The following APC variants were observed in gnomAD, a reference collection of about 807,000 sequenced individuals.
APC encodes APC regulator of Wnt signaling pathway, also known as adenomatous polyposis coli protein.
In APC, 72 loss-of-function variants were observed where a neutral mutation model predicts 247.0. That is an observed-to-expected ratio of 0.29 (90% CI 0.24 to 0.35). The LOEUF is 0.35. Among genes scored for constraint, APC ranks in the 10% least tolerant of loss-of-function variants. The pLI is 1.00. For missense variants in APC, 3,400 were observed against 3,360.7 expected, an observed-to-expected ratio of 1.01 and a Z score of -0.29; for synonymous variants, 1,254 against 1,162.5, an observed-to-expected ratio of 1.08 and a Z score of -1.60.
At chr5:112,809,084 G>C (rs1036642472) in intron 8 of APC, among the ~76,000 whole-genome samples, 2 of 152,246 alleles carry the variant, frequency 1.3e-5, no homozygotes, top group Admixed American at 1.3e-4. Context: ...GGGTGCAGTA[G>C]CTCATGCCTG....
intron 2 of APC, among the ~76,000 whole-genome samples, chr5:112,757,039 A>G (rs1490640472): frequency 1.3e-5 from 2 of 152,186 alleles, no homozygotes; most frequent in African/African-American, 4.8e-5. Flanking sequence ...CGGATTTAGA[A>G]TGCTCAACCT....
Position 112,839,414 on chromosome 5 carries a change from T to C in APC, c.3820T>C (p.Cys1274Arg), listed in dbSNP as rs1337240673. 6.2e-7 allele frequency: 1 copy of C among 1,614,044 alleles called. No individual in the cohort carries two copies. ...VEDTPICFSR[C>R]SSLSSLSSAE... is the part of the protein sequence containing the mutation. Reference sequence around the variant, plus strand: ...AGATACTCCAATATGTTTTTCAAGATGTAGTTCATTATCATCTTTGTCATC... The same window carrying C: ...AGATACTCCAATATGTTTTTCAAGACGTAGTTCATTATCATCTTTGTCATC... The change falls in exon 16 of 16, where the codon TGT becomes CGT. Residue 1274 changes from cysteine to arginine, a missense_variant. Cys to Arg is a radical substitution (Grantham distance 180). Coordinates refer to ENST00000257430, the MANE Select transcript of APC (RefSeq NM_000038.6). The surrounding 1 kb of genome is among the most constrained non-coding windows in gnomAD (Gnocchi z 5.0).
chr5:112,761,453 A>G (rs1322463809), intron 2 of APC, among the ~76,000 whole-genome samples: 1 of 152,222 alleles, frequency 6.6e-6, no homozygotes, highest in African/African-American at 2.4e-5. Flanking sequence ...AAGGAATCAA[A>G]TAGATATTCT....
At chr5:112,794,768 T>C (rs1040260388) in intron 7 of APC, among the ~76,000 whole-genome samples, 5 of 152,248 alleles carry the variant, frequency 3.3e-5, no homozygotes, top group Non-Finnish European at 5.9e-5. Flanking sequence ...CTCACATTTC[T>C]GCCCAGTGTG....
chr5:112,807,430 A>T (rs571784111), intron 8 of APC, among the ~76,000 whole-genome samples: 1 of 152,104 alleles, frequency 6.6e-6, no homozygotes. Flanking sequence ...ATATTTTTAT[A>T]CTATACAACT....
chr5:112,715,212 A>G (rs1420245923), intron 1 of APC, among the ~76,000 whole-genome samples: 1 of 152,214 alleles, frequency 6.6e-6, no homozygotes, highest in East Asian at 1.9e-4. Flanking sequence ...TTGAACAAAT[A>G]TTTTTGAAGC....
intron 4 of APC, among the ~76,000 whole-genome samples, chr5:112,773,031 C>G (rs1364433429): frequency 6.6e-6 from 1 of 152,132 alleles, no homozygotes; most frequent in East Asian, 1.9e-4. Flanking sequence ...TCTCCTGTTC[C>G]TGTTGTCAGA....
At chr5:112,734,793 G>GT (rs71224873), upstream of APC, among the ~76,000 whole-genome samples, 614 of 41,874 alleles carry the variant, frequency 0.015, 2 homozygotes, top group South Asian at 0.078. Context: ...GTGTGTGTGT[G>GT]TTTTTTTTTT....
Position 112,842,993 on chromosome 5 carries a change from CCAT to C in APC, c.7404_7406del (p.Ser2469del), listed in dbSNP as rs1580682156. 6.2e-7 allele frequency: 1 copy of C among 1,614,024 alleles called. No individual in the cohort carries two copies. The highest frequency in any genetic ancestry group is 8.5e-7 in the Non-Finnish European group (1 of 1,179,928). The stretch of plus-strand genomic sequence containing the variant: ...ATCTGCTTCATTTGAATCTCTTTCT[CCAT>C]CATCTAGACCAGCTTCTCCCACTAG... On this transcript the variant is annotated inframe_deletion, in exon 16 of 16. Coordinates refer to ENST00000257430, the MANE Select transcript of APC (RefSeq NM_000038.6).
At position 112,779,193 on chromosome 5, in the gene APC, T is replaced by A. The variant is rs1758053845; in HGVS notation, c.532-1597T>A. 2.0e-5 allele frequency among the ~76,000 whole-genome samples: 3 copies of A among 152,320 alleles called. No individual in the cohort carries two copies. In the South Asian group the frequency reaches 6.2e-4, roughly 32 times the overall value. On this transcript the variant is annotated intron_variant, in intron 5 of 15. Transcript: ENST00000257430. ...TGAGAGAACAGTTATTGTTAGCCTG[T>A]GAGGATTAGGAATTTTGGGGGATTT...
At chr5:112,726,238 T>A (rs865838712) in intron 1 of APC, among the ~76,000 whole-genome samples, 33 of 152,298 alleles carry the variant, frequency 2.2e-4, no homozygotes, top group African/African-American at 7.7e-4. Context: ...GGTACCCAGG[T>A]CCTTGTCTGG....
intron 14 of APC, among the ~76,000 whole-genome samples, chr5:112,830,868 T>G (rs1238159456): frequency 2.0e-5 from 3 of 152,190 alleles, no homozygotes; most frequent in Non-Finnish European, 4.4e-5. Flanking sequence ...ACTGGCAGTT[T>G]TATGGGTGTA....
chr5:112,731,441 G>C lies in APC; in HGVS notation c.165+23559G>C, dbSNP rs1246411094. Among the ~76,000 whole-genome samples, 4 of 152,176 alleles carry C rather than the reference G, an allele frequency of 2.6e-5. No individual in the cohort carries two copies. In the East Asian group the frequency reaches 7.7e-4, roughly 29 times the overall value. On this transcript the variant is annotated intron_variant, in intron 1 of 13. Transcript: ENST00000507379. Reference sequence around the variant, plus strand: ...CCCAAGGTGGAAGGAGGAAGGACAGGAGACGGCCAGAGCAAGCAAGGGATC... The same window carrying C: ...CCCAAGGTGGAAGGAGGAAGGACAGCAGACGGCCAGAGCAAGCAAGGGATC...
At chr5:112,776,638 G>T (rs1015240507) in intron 5 of APC, among the ~76,000 whole-genome samples, 1 of 152,120 alleles carries the variant, frequency 6.6e-6, no homozygotes, top group Admixed American at 6.5e-5. Flanking sequence ...AGGAGTTCGA[G>T]ACCAGCCTGG....
At chr5:112,741,906 TA>T (rs1753080065) in intron 1 of APC, among the ~76,000 whole-genome samples, 1 of 152,184 alleles carries the variant, frequency 6.6e-6, no homozygotes, top group African/African-American at 2.4e-5. Context: ...TTATTTCACT[TA>T]GCATAATGTC....
chr5:112,845,175 A>G lies in APC; in HGVS notation c.*1049A>G. On this transcript the variant is annotated 3_prime_UTR_variant, in exon 16 of 16. Coordinates refer to ENST00000257430, the MANE Select transcript of APC (RefSeq NM_000038.6). Reference sequence around the variant, plus strand: ...TTAACCATTCCATGCGTTGGCACTTATCTATTCCTGAAATTTCTTTTATGT... The same window carrying G: ...TTAACCATTCCATGCGTTGGCACTTGTCTATTCCTGAAATTTCTTTTATGT... 2 of 232,666 alleles carry G rather than the reference A, an allele frequency of 8.6e-6. No individual in the cohort carries two copies. The highest frequency in any genetic ancestry group is 1.7e-5 in the Non-Finnish European group (2 of 117,438). The allele number at this position is 232,666 out of a possible 1,614,324, so 14.4% of individuals were successfully genotyped here.
upstream of APC, among the ~76,000 whole-genome samples, chr5:112,735,687 A>G (rs1752346293): frequency 6.6e-6 from 1 of 152,086 alleles, no homozygotes; most frequent in African/African-American, 2.4e-5. Context: ...GTTTTAAAAT[A>G]GCTAAGCAGT....
intron 1 of APC, among the ~76,000 whole-genome samples, chr5:112,728,455 G>T (rs1751922640): frequency 6.6e-6 from 1 of 152,144 alleles, no homozygotes; most frequent in Non-Finnish European, 1.5e-5. Flanking sequence ...TGTGGCTCAA[G>T]ACAATTCTTC....
rs1248809012 is a variant in APC, at chr5:112,707,838, C to G, written c.121C>G (p.Pro41Ala). The change falls in exon 1 of 14, where the codon CCG becomes GCG. Residue 41 changes from proline (P) to alanine (A), a missense_variant. By Grantham distance (27) the Pro-to-Ala change is conservative. Coordinates refer to the APC transcript ENST00000507379. The stretch of plus-strand genomic sequence containing the variant: ...CTGCGTCCGGCAGGAGACGAAGAGC[C>G]CGGGCGGCGCTCGTACTTCTGGCCA... 6.6e-6 allele frequency: 9 copies of G among 1,370,302 alleles called. No individual in the cohort carries two copies. Among genetic ancestry groups the G allele is most frequent in the African/African-American group, 1.4e-5 (1 of 69,736 alleles). The allele number at this position is 1,370,302 out of a possible 1,614,324, so 84.9% of individuals were successfully genotyped here. A position where few individuals can be genotyped will look rare whatever the true frequency, so the allele number is the denominator to read the frequency against.
Sources: gnomAD v4.1 joint callset for allele counts (sites outside exome capture counted in the v4.1 genomes callset) on GRCh38, gnomAD v4.1.1 for gene constraint, Gnocchi (gnomAD v3.1) non-coding constraint, MANE v1.5 for transcripts, NCBI Gene and HGNC (gene_info 2026-07-23, HGNC 2026-07-21) for gene names.